CRB1: variants seen among roughly 807,000 people sequenced by gnomAD.
CRB1 encodes protein crumbs homolog 1.
In CRB1, 83 loss-of-function variants were observed where a neutral mutation model predicts 120.0. The ratio of observed to expected loss-of-function variants is 0.69; its 90% confidence interval spans 0.58 to 0.83. The LOEUF is 0.83. CRB1 is among the 40% of genes least tolerant of loss of function. The pLI is 0.00. For synonymous variants in CRB1, 625 were observed against 612.5 expected, an observed-to-expected ratio of 1.02 and a Z score of -0.30; for missense variants, 1,699 against 1,687.6, an observed-to-expected ratio of 1.01 and a Z score of -0.12.
At chr1:197,354,639 T>A (rs977971114) in intron 4 of CRB1, among the ~76,000 whole-genome samples, 2 of 152,046 alleles carry the variant, frequency 1.3e-5, no homozygotes, top group Admixed American at 6.5e-5. Context: ...GGAGTGAAGC[T>A]GCAGACCTTC....
At chr1:197,356,193 C>T (rs1660470672) in intron 4 of CRB1, among the ~76,000 whole-genome samples, 1 of 152,134 alleles carries the variant, frequency 6.6e-6, no homozygotes, top group Non-Finnish European at 1.5e-5. Context: ...GTCACATACA[C>T]TAAAACTGTA....
intron 4 of CRB1, among the ~76,000 whole-genome samples, chr1:197,353,275 A>G (rs76767092): frequency 2.6e-5 from 4 of 152,198 alleles, no homozygotes; most frequent in Admixed American, 2.0e-4. Flanking sequence ...GTTTTCTAGA[A>G]GAGAGAAAAA....
intron 5 of CRB1, among the ~76,000 whole-genome samples, chr1:197,401,258 G>A (rs1663051662): frequency 6.6e-6 from 1 of 151,774 alleles, no homozygotes; most frequent in Non-Finnish European, 1.5e-5. Flanking sequence ...TTTTGTTGAT[G>A]TTTATCTCCA....
rs546554365 is a variant in CRB1, at chr1:197,357,143, C to T, written c.1171+130C>T. The T allele has an allele frequency of 8.0e-6, 7 of 878,950 alleles. No individual in the cohort carries two copies. In the East Asian group the frequency reaches 1.5e-4, roughly 19 times the overall value. The allele number at this position is 878,950 out of a possible 1,614,324, so 54.4% of individuals were successfully genotyped here. Reference sequence around the variant, plus strand: ...TCTGCTGCTGTGGTGCAAAGGGTCCCCCTTGTGGGCATGAAAAGTATCTTG... The same window carrying T: ...TCTGCTGCTGTGGTGCAAAGGGTCCTCCTTGTGGGCATGAAAAGTATCTTG... On this transcript the variant is annotated intron_variant, in intron 5 of 11. Coordinates refer to ENST00000367400, the MANE Select transcript of CRB1 (RefSeq NM_201253.3).
At chr1:197,289,927 T>C (rs1257968138) in intron 1 of CRB1, among the ~76,000 whole-genome samples, 1 of 151,630 alleles carries the variant, frequency 6.6e-6, no homozygotes, top group Non-Finnish European at 1.5e-5. Flanking sequence ...CTTATGTAGA[T>C]GATTATATAT....
the CRB1 span, among the ~76,000 whole-genome samples, chr1:197,202,012 AGGTG>A: frequency 4.6e-5 from 7 of 152,304 alleles, no homozygotes; most frequent in South Asian, 1.4e-3. Context: ...GAGTCCCAGG[AGGTG>A]CTGATATCAT....
chr1:197,252,582 A>ATATATATTTGTGTG, the CRB1 span, among the ~76,000 whole-genome samples: 1 of 15,506 alleles, frequency 6.4e-5, no homozygotes, highest in East Asian at 5.2e-3. Flanking sequence ...ATATATATAT[A>ATATATATTTGTGTG]TGTGTGTGTG....
chr1:197,442,789 T>C (rs1665517690), intron 11 of CRB1: 1 of 227,630 alleles, frequency 4.4e-6, no homozygotes, highest in Admixed American at 5.3e-5. Flanking sequence ...TCTATTTTCA[T>C]TTCTGTTCTT....
chr1:197,467,205 A>G (rs891173499), intron 11 of CRB1, among the ~76,000 whole-genome samples: 1 of 152,230 alleles, frequency 6.6e-6, no homozygotes, highest in African/African-American at 2.4e-5. Context: ...TTGCTTGGAA[A>G]AAAATGCAAA....
chr1:197,348,871 A>G (rs1659930002), intron 4 of CRB1, among the ~76,000 whole-genome samples: 1 of 151,064 alleles, frequency 6.6e-6, no homozygotes, highest in Admixed American at 6.5e-5. Flanking sequence ...AAAAATTTAT[A>G]AAGTAAAAAA....
At chr1:197,414,046 T>G (rs1219832334) in intron 5 of CRB1, 2 of 424,602 alleles carry the variant, frequency 4.7e-6, no homozygotes, top group African/African-American at 4.0e-5. Flanking sequence ...ACATGCTTAG[T>G]GTTTTTAAGA....
chr1:197,284,944 T>A (rs1303354139), intron 1 of CRB1, among the ~76,000 whole-genome samples: 1 of 151,960 alleles, frequency 6.6e-6, no homozygotes, highest in East Asian at 1.9e-4. Flanking sequence ...AATTAAATCC[T>A]ATGATGTCCT....
chr1:197,431,699 T>C (rs559701229), intron 8 of CRB1, among the ~76,000 whole-genome samples: 105 of 152,328 alleles, frequency 6.9e-4, no homozygotes, highest in Middle Eastern at 6.8e-3. Flanking sequence ...AGTGAACTTT[T>C]ACTGCTACAA....
In CRB1 at chr1:197,477,988, T is replaced by A; in HGVS notation, c.*109T>A. 1 of 1,099,020 alleles carries A rather than the reference T, an allele frequency of 9.1e-7. No individual in the cohort carries two copies. Among genetic ancestry groups the A allele is most frequent in the Non-Finnish European group, 1.4e-6 (1 of 719,996 alleles). The allele number at this position is 1,099,020 out of a possible 1,614,324, so 68.1% of individuals were successfully genotyped here. A position where few individuals can be genotyped will look rare whatever the true frequency, so the allele number is the denominator to read the frequency against. On this transcript the variant is annotated 3_prime_UTR_variant, in exon 12 of 12. Coordinates refer to ENST00000367400, the MANE Select transcript of CRB1 (RefSeq NM_201253.3). ...TGTTAATCTGCAACTGGGATTACAC[T>A]GGAACTACAGGAATGATTCCTTTGA... is the stretch of plus-strand genomic sequence containing the variant.
chr1:197,270,579 A>G (rs935654326), intron 1 of CRB1, among the ~76,000 whole-genome samples: 2 of 152,200 alleles, frequency 1.3e-5, no homozygotes, highest in Non-Finnish European at 2.9e-5. Context: ...TCTCTCTTCA[A>G]TGAGATTATT....
the CRB1 span, among the ~76,000 whole-genome samples, chr1:197,201,513 C>G: frequency 1.3e-5 from 2 of 152,220 alleles, no homozygotes; most frequent in East Asian, 1.9e-4. Flanking sequence ...CGTACTCCCT[C>G]GGAGACCCTA....
chr1:197,232,444 G>T, the CRB1 span, among the ~76,000 whole-genome samples: 1 of 152,080 alleles, frequency 6.6e-6, no homozygotes, highest in African/African-American at 2.4e-5. Context: ...ATAAAGAAGA[G>T]CAAGGTTTGA....
At chr1:197,428,060 A>G (rs563559993) in intron 7 of CRB1, 59 bp downstream of exon 7, 2 of 1,476,518 alleles carry the variant, frequency 1.4e-6, no homozygotes, top group African/African-American at 2.8e-5. Context: ...ACTTTATTAA[A>G]AAGATAACTT....
intron 2 of CRB1, among the ~76,000 whole-genome samples, chr1:197,342,663 T>C (rs1659537210): frequency 6.6e-6 from 1 of 152,182 alleles, no homozygotes; most frequent in Non-Finnish European, 1.5e-5. Flanking sequence ...ATAAGTGAAT[T>C]TAAGGTTATT....
Sources: allele counts gnomAD v4.1 joint callset (sites outside exome capture counted in the v4.1 genomes callset), GRCh38; gene constraint gnomAD v4.1.1; transcripts MANE v1.5; gene names NCBI Gene and HGNC (gene_info 2026-07-23, HGNC 2026-07-21).